The following USP45 variants were observed in gnomAD, a reference collection of about 807,000 sequenced individuals.
The protein encoded by USP45 is ubiquitin carboxyl-terminal hydrolase 45.
In USP45, 89 loss-of-function variants were observed where a neutral mutation model predicts 95.8. That is an observed-to-expected ratio of 0.93 (90% CI 0.78 to 1.11). USP45 has a LOEUF of 1.11. Ranked by LOEUF, USP45 falls within the 50% of genes least tolerant of loss-of-function variation. The pLI, the probability that USP45 is intolerant of heterozygous loss-of-function variation, is 0.00. For synonymous variants in USP45, 281 were observed against 316.2 expected, an observed-to-expected ratio of 0.89 and a Z score of 1.18; for missense variants, 898 against 942.5, an observed-to-expected ratio of 0.95 and a Z score of 0.62.
At chr6:99,438,598 T>C (rs1017721821) in intron 16 of USP45, among the ~76,000 whole-genome samples, 2 of 152,218 alleles carry the variant, frequency 1.3e-5, no homozygotes, top group Admixed American at 1.3e-4. Context: ...TGGATAATAA[T>C]TGATTTTAAA....
chr6:99,452,341 C>T (rs905967826), intron 13 of USP45, among the ~76,000 whole-genome samples: 5 of 152,052 alleles, frequency 3.3e-5, no homozygotes, highest in African/African-American at 1.2e-4. Context: ...AAGAAAAAAA[C>T]AACCCCATCA....
intron 13 of USP45, among the ~76,000 whole-genome samples, chr6:99,448,352 T>C (rs1451911723): frequency 6.6e-6 from 1 of 152,154 alleles, no homozygotes; most frequent in Non-Finnish European, 1.5e-5. Context: ...TTAAATGACC[T>C]GATTGAGCTG....
At chr6:99,473,888 A>G (rs529197422) in intron 9 of USP45, among the ~76,000 whole-genome samples, 376 of 152,204 alleles carry the variant, frequency 2.5e-3, no homozygotes, top group Non-Finnish European at 4.3e-3. Context: ...CAATCTAAGA[A>G]AGCTGACAGA....
At position 99,445,882 on chromosome 6, in the gene USP45, C is replaced by T; in HGVS notation, c.1890G>A (p.Met630Ile). The T allele has an allele frequency of 1.2e-6, 2 of 1,613,048 alleles. No individual in the cohort carries two copies. Among genetic ancestry groups the T allele is most frequent in the Non-Finnish European group, 1.7e-6 (2 of 1,179,792 alleles). Residue 630 changes from methionine to isoleucine, a missense_variant, in exon 14 of 18, where the codon ATG becomes ATA. Transcript: ENST00000500704. ...GCTTATTATTCCCCATTAGTAATTC[C>T]ATAGATGTAAACTGGTAGAGACAGG... ...IQSCLYQFTS[M>I]ELLMGNNKLL...
At chr6:99,453,874 C>T (rs1008554121) in intron 13 of USP45, among the ~76,000 whole-genome samples, 4 of 152,086 alleles carry the variant, frequency 2.6e-5, no homozygotes, top group Admixed American at 2.0e-4. Flanking sequence ...GCAGAAGAAT[C>T]GCCTGAACCT....
At position 99,488,159 on chromosome 6, in the gene USP45, C is replaced by G. The variant is rs200954348; in HGVS notation, c.714+41G>C. On this transcript the variant is annotated intron_variant, in intron 7 of 17. Coordinates refer to ENST00000500704, the MANE Select transcript of USP45 (RefSeq NM_001346022.3). ...AAAGAGATTTTGGTAACATCAGTGG[C>G]TCATCTGAAAGCAGCTATTATTCAA... The G allele has an allele frequency of 5.1e-6, 7 of 1,372,676 alleles. No homozygotes were observed. The East Asian group carries it at 1.6e-4, about 31-fold the overall frequency. The allele number at this position is 1,372,676 out of a possible 1,614,324, so 85.0% of individuals were successfully genotyped here. A position where few individuals can be genotyped will look rare whatever the true frequency, so the allele number is the denominator to read the frequency against.
intron 13 of USP45, chr6:99,462,181 A>C (rs935724479): frequency 1.0e-6 from 1 of 977,420 alleles, no homozygotes; most frequent in African/African-American, 1.8e-5. Context: ...TCCAATAAAA[A>C]AGTAACAAAA....
chr6:99,507,501 A>G lies in USP45; in HGVS notation c.304T>C (p.Ser102Pro). The G allele has an allele frequency of 6.2e-7, 1 of 1,613,156 alleles. No homozygotes were observed. The change falls in exon 4 of 18, where the codon TCA (serine) becomes CCA (proline). Residue 102 changes from serine (S) to proline (P), a missense_variant. Physicochemically the swap from Ser to Pro is moderately conservative, Grantham distance 74. Transcript: ENST00000500704. Reference protein sequence around the residue: ...GCGKNSESQHSLKHFKSSRTE... With the variant: ...GCGKNSESQHPLKHFKSSRTE... ...CTGGAACTCTTAAAGTGCTTCAATG[A>G]ATGTTGGCTTTCTGAGTTTTTACCA...
intron 13 of USP45, chr6:99,460,760 G>A (rs1299620268): frequency 5.1e-6 from 5 of 983,146 alleles, no homozygotes; most frequent in Non-Finnish European, 6.0e-6. Context: ...ATGATTTTCT[G>A]AATATAACCC....
At chr6:99,476,654 T>C (rs150889578) in intron 8 of USP45, among the ~76,000 whole-genome samples, 20 of 152,350 alleles carry the variant, frequency 1.3e-4, no homozygotes, top group African/African-American at 3.8e-4. Flanking sequence ...AACAACTTTG[T>C]TGGGATGTAC....
chr6:99,444,124 A>G (rs1782037178), intron 14 of USP45, among the ~76,000 whole-genome samples: 1 of 151,674 alleles, frequency 6.6e-6, no homozygotes, highest in African/African-American at 2.4e-5. Context: ...CAATCCTCCC[A>G]CCTCAGCCTC....
chr6:99,441,976 G>A (rs1270312662), intron 15 of USP45, among the ~76,000 whole-genome samples: 3 of 152,144 alleles, frequency 2.0e-5, no homozygotes, highest in Admixed American at 6.5e-5. Flanking sequence ...TAGAGAAGGC[G>A]TTCAGGGATG....
chr6:99,486,984 G>T (rs1220748615), intron 7 of USP45, among the ~76,000 whole-genome samples: 1 of 152,158 alleles, frequency 6.6e-6, no homozygotes, highest in African/African-American at 2.4e-5. Context: ...GGGAGATCAC[G>T]CAGCATGGGG....
intron 5 of USP45, among the ~76,000 whole-genome samples, chr6:99,494,868 T>A (rs746306515): frequency 5.9e-5 from 9 of 152,130 alleles, no homozygotes; most frequent in Non-Finnish European, 1.0e-4. Context: ...CACTCCAGAC[T>A]AGGTGACAGA....
At chr6:99,507,573 T>C in intron 3 of USP45, 42 bp from the exon 4 acceptor site, 1 of 1,355,216 alleles carries the variant, frequency 7.4e-7, no homozygotes, top group Non-Finnish European at 1.0e-6. Context: ...CTTACAAATG[T>C]TTGTTTCAAA....
chr6:99,501,568 T>G (rs921138023), intron 5 of USP45, among the ~76,000 whole-genome samples: 1 of 152,184 alleles, frequency 6.6e-6, no homozygotes, highest in Non-Finnish European at 1.5e-5. Flanking sequence ...TCATTATATA[T>G]TTGCATTTTT....
At chr6:99,437,207 G>A (rs1387552401) in intron 17 of USP45, 39 bp downstream of exon 17, 27 of 1,565,604 alleles carry the variant, frequency 1.7e-5, no homozygotes, top group South Asian at 9.5e-5. Flanking sequence ...GCACATATTC[G>A]TTTGTTTTTA....
At chr6:99,436,505 G>A (rs1169116876) in intron 17 of USP45, among the ~76,000 whole-genome samples, 1 of 151,884 alleles carries the variant, frequency 6.6e-6, no homozygotes, top group African/African-American at 2.4e-5. Flanking sequence ...GCAGTGAGCC[G>A]AGATCCTGCC....
rs1376104101 is a variant in USP45 at position 99,432,816 on chromosome 6, G to T, written c.*2900C>A. ...TTTGTACTACAAAAATTAGATGAGG[G>T]TTGATACATTTCACAGCTTAATCTT... On this transcript the variant is annotated 3_prime_UTR_variant, in exon 18 of 18. Transcript: ENST00000500704. 2 of 152,596 alleles carry T rather than the reference G, an allele frequency of 1.3e-5. No individual in the cohort carries two copies. Among genetic ancestry groups the T allele is most frequent in the African/African-American group, 4.8e-5 (2 of 41,444 alleles). The allele number at this position is 152,596 out of a possible 1,614,324, so 9.5% of individuals were successfully genotyped here.
Sources: allele counts gnomAD v4.1 joint callset (sites outside exome capture counted in the v4.1 genomes callset), GRCh38; gene constraint gnomAD v4.1.1; transcripts MANE v1.5; gene names NCBI Gene and HGNC (gene_info 2026-07-23, HGNC 2026-07-21).